Variants in GANC observed in about 807,000 individuals in gnomAD.
GANC encodes the protein neutral alpha-glucosidase C.
A neutral mutation model predicts 124.2 loss-of-function variants in GANC; 117 were observed. That is an observed-to-expected ratio of 0.94 (90% CI 0.81 to 1.10). The LOEUF is 1.10. Ranked by LOEUF, GANC falls within the 50% of genes least tolerant of loss-of-function variation. The pLI is 0.00. For missense variants in GANC, 1,140 were observed against 1,095.0 expected (o/e 1.04, Z -0.58); for synonymous variants, 377 against 376.8 (o/e 1.00, Z -0.01).
intron 7 of GANC, among the ~76,000 whole-genome samples, chr15:42,307,995 A>G (rs779356039): frequency 6.6e-6 from 1 of 152,258 alleles, no homozygotes; most frequent in Non-Finnish European, 1.5e-5. Flanking sequence ...AGCTAAGGCA[A>G]CAGAACTAAT....
intron 6 of GANC, among the ~76,000 whole-genome samples, chr15:42,300,760 T>G (rs1294905450): frequency 2.6e-5 from 4 of 152,198 alleles, no homozygotes; most frequent in Non-Finnish European, 5.9e-5. Flanking sequence ...GGCTCATGCC[T>G]GTAATCCCAG....
At position 42,330,636 on chromosome 15, in the gene GANC, C is replaced by G; in HGVS notation, c.1705C>G (p.Leu569Val). 6.2e-7 allele frequency: 1 copy of G among 1,609,972 alleles called. No homozygotes were observed. Among genetic ancestry groups the G allele is most frequent in the Non-Finnish European group, 8.5e-7 (1 of 1,178,896 alleles). ...TAAAGGGAAGGAGAGACCCTTTGTT[C>G]TTACACGTTCTTTCTTTGCTGGATC... ...RSKGKERPFV[L>V]TRSFFAGSQK... is the part of the protein sequence containing the mutation. The change falls in exon 15 of 24, where the codon CTT becomes GTT. Residue 569 changes from leucine to valine, a missense_variant. By Grantham distance (32) the Leu-to-Val change is conservative (BLOSUM62 1). Coordinates refer to ENST00000318010, the MANE Select transcript of GANC (RefSeq NM_198141.3).
rs909784562 is a variant in GANC, at chr15:42,273,643, A to T, written c.-839A>T. The T allele has an allele frequency of 1.8e-6, 1 of 568,758 alleles. No homozygotes were observed. The highest frequency in any genetic ancestry group is 3.0e-6 in the Non-Finnish European group (1 of 329,336). The allele number at this position is 568,758 out of a possible 1,614,324, so 35.2% of individuals were successfully genotyped here. On this transcript the variant is annotated 5_prime_UTR_variant, in exon 1 of 24. Coordinates refer to ENST00000318010, the MANE Select transcript of GANC (RefSeq NM_198141.3). ...TGGGTTAGAGAGATCGCTACATGCC[A>T]GCCTGGCCTGAGTCTTTTCTGTCTC...
intron 6 of GANC, among the ~76,000 whole-genome samples, chr15:42,300,820 A>T (rs1028351637): frequency 6.6e-5 from 10 of 151,974 alleles, no homozygotes; most frequent in Admixed American, 3.9e-4. Context: ...GGAGTTCAAG[A>T]CCTGCCTGAC....
In GANC at chr15:42,330,686, C is replaced by G; in HGVS notation, c.1741+14C>G. On this transcript the variant is annotated intron_variant, in intron 15 of 23. Coordinates refer to ENST00000318010, the MANE Select transcript of GANC (RefSeq NM_198141.3). Reference sequence around the variant, plus strand: ...CACAAAAGTATGGTAAGGAATGGCTCATATCAGACTTAAAAACACATTAGC... The same window carrying G: ...CACAAAAGTATGGTAAGGAATGGCTGATATCAGACTTAAAAACACATTAGC... The G allele has an allele frequency of 6.4e-7, 1 of 1,560,198 alleles. No individual in the cohort carries two copies. The highest frequency in any genetic ancestry group is 8.7e-7 in the Non-Finnish European group (1 of 1,146,392).
At chr15:42,297,201 A>G (rs1331834526) in intron 5 of GANC, among the ~76,000 whole-genome samples, 1 of 152,218 alleles carries the variant, frequency 6.6e-6, no homozygotes, top group Non-Finnish European at 1.5e-5. Flanking sequence ...CATGTTTAAC[A>G]TTTATAATAA....
rs117812714 is a variant in GANC at position 42,309,622 on chromosome 15, A to G, written c.723-661A>G. Among the ~76,000 whole-genome samples the G allele has an allele frequency of 7.4e-3, 1,113 of 151,334 alleles. 5 individuals carry two copies. The highest frequency in any genetic ancestry group is 9.3e-3 in the African/African-American group (383 of 41,338). ...CGTGAGCCACCGGCACCCAGCCTGG[A>G]CACAATTCTTTTAACCGCAGAGAAG... On this transcript the variant is annotated intron_variant, in intron 8 of 23. Coordinates refer to ENST00000318010, the MANE Select transcript of GANC (RefSeq NM_198141.3).
chr15:42,307,323 C>T (rs8028781), intron 7 of GANC, among the ~76,000 whole-genome samples: 2,974 of 143,518 alleles, frequency 0.021, 110 homozygotes, highest in African/African-American at 0.072. Flanking sequence ...TCTGTAACAT[C>T]ATCATCTTTT....
At chr15:42,296,988 T>G (rs72720908) in intron 5 of GANC, among the ~76,000 whole-genome samples, 2,299 of 152,048 alleles carry the variant, frequency 0.015, 35 homozygotes, top group Non-Finnish European at 0.021. Flanking sequence ...TGGCAAAAAC[T>G]GAAAGATTGA....
rs2051615810 is a variant in GANC at position 42,273,705 on chromosome 15, C to G, written c.-777C>G. ...AGGTTTTAGGACCAGGCAGGCACCC[C>G]GTGCAGGATTTGGCTCTCTACTTCC... On this transcript the variant is annotated 5_prime_UTR_variant, in exon 1 of 24. Coordinates refer to ENST00000318010, the MANE Select transcript of GANC (RefSeq NM_198141.3). 8.1e-6 allele frequency: 3 copies of G among 369,120 alleles called. No individual in the cohort carries two copies. The highest frequency in any genetic ancestry group is 2.0e-5 in the African/African-American group (1 of 49,294). The allele number at this position is 369,120 out of a possible 1,614,324, so 22.9% of individuals were successfully genotyped here.
At chr15:42,296,023 C>T (rs1173339401) in intron 5 of GANC, among the ~76,000 whole-genome samples, 1 of 151,466 alleles carries the variant, frequency 6.6e-6, no homozygotes, top group African/African-American at 2.4e-5. Context: ...ATGTGCCTGT[C>T]GTTCCATCTA....
At position 42,276,374 on chromosome 15, in the gene GANC, A is replaced by G; in HGVS notation, c.56A>G (p.Asn19Ser). 6.9e-7 allele frequency: 1 copy of G among 1,456,382 alleles called. No individual in the cohort carries two copies. Among genetic ancestry groups the G allele is most frequent in the Non-Finnish European group, 9.6e-7 (1 of 1,039,236 alleles). 90.2% of individuals were successfully genotyped at this position (1,456,382 alleles called of 1,614,324 possible). The change falls in exon 2 of 24, where the codon AAC becomes AGC. Residue 19 changes from asparagine to serine, a missense_variant. Transcript: ENST00000318010. ...ISLEDEAVDK[N>S]IFRDCNKIAF... is the part of the protein sequence containing the mutation. ...CTTGAAGATGAAGCTGTAGATAAAA[A>G]CATTTTCAGAGACTGTAACAAGATC...
intron 17 of GANC, 55 bp from the exon 18 acceptor site, chr15:42,340,635 T>G: frequency 1.6e-6 from 2 of 1,275,256 alleles, no homozygotes; most frequent in African/African-American, 1.5e-5. Context: ...TATAAGTGAT[T>G]GATTGCAATA....
chr15:42,283,251 T>G (rs938854982), intron 3 of GANC, among the ~76,000 whole-genome samples: 1 of 152,208 alleles, frequency 6.6e-6, no homozygotes, highest in African/African-American at 2.4e-5. Context: ...TCACATAGGG[T>G]CCTAATATAG....
chr15:42,350,357 A>C (rs977457826), intron 22 of GANC, among the ~76,000 whole-genome samples: 2 of 151,480 alleles, frequency 1.3e-5, no homozygotes, highest in Non-Finnish European at 2.9e-5. Flanking sequence ...ATGAAAAAGG[A>C]CTTAATTTAA....
intron 4 of GANC, among the ~76,000 whole-genome samples, chr15:42,291,100 C>T (rs1264040009): frequency 6.6e-6 from 1 of 152,022 alleles, no homozygotes; most frequent in Non-Finnish European, 1.5e-5. Context: ...GAGCCAATTA[C>T]AGTCAAACCC....
At chr15:42,345,256 T>C (rs61133768) in intron 19 of GANC, among the ~76,000 whole-genome samples, 15,657 of 149,938 alleles carry the variant, frequency 0.1, 1,159 homozygotes, top group Admixed American at 0.2. Flanking sequence ...CAAGTTTCCA[T>C]TTTTTTCCTC....
intron 3 of GANC, chr15:42,284,041 A>G (rs750776656): frequency 2.9e-6 from 2 of 700,960 alleles, no homozygotes; most frequent in South Asian, 3.0e-5. Context: ...GGAGGTCTTG[A>G]TCACAGCTGG....
intron 10 of GANC, among the ~76,000 whole-genome samples, chr15:42,317,558 A>G (rs764520366): frequency 2.6e-4 from 40 of 152,226 alleles, no homozygotes; most frequent in Non-Finnish European, 5.3e-4. Flanking sequence ...TTTGCTATAT[A>G]TATTTTAACA....
Sources: allele counts gnomAD v4.1 joint callset (sites outside exome capture counted in the v4.1 genomes callset), GRCh38; gene constraint gnomAD v4.1.1; transcripts MANE v1.5; gene names NCBI Gene and HGNC (gene_info 2026-07-23, HGNC 2026-07-21).